MYO1B: variants seen among roughly 807,000 people sequenced by gnomAD.
MYO1B encodes unconventional myosin-Ib.
A neutral mutation model predicts 159.7 loss-of-function variants in MYO1B; 72 were observed. The observed-to-expected ratio is 0.45, with a 90% CI of 0.37 to 0.55. The LOEUF (loss-of-function observed/expected upper bound fraction) is 0.55. MYO1B is among the 20% of genes least tolerant of loss of function. The pLI is 0.00. For missense variants in MYO1B, 1,062 were observed against 1,364.8 expected (o/e 0.78, Z 3.50); for synonymous variants, 468 against 473.8 (o/e 0.99, Z 0.16).
At chr2:191,254,324 T>C (rs1383441233) in intron 1 of MYO1B, among the ~76,000 whole-genome samples, 2 of 152,132 alleles carry the variant, frequency 1.3e-5, no homozygotes, top group Non-Finnish European at 2.9e-5. Flanking sequence ...GCAATTCTCC[T>C]GCCTCAGCCT....
chr2:191,273,156 T>C (rs1687556825), intron 1 of MYO1B, among the ~76,000 whole-genome samples: 1 of 152,186 alleles, frequency 6.6e-6, no homozygotes, highest in African/African-American at 2.4e-5. Flanking sequence ...TCTCACTCTG[T>C]TGCCCAAGCT....
intron 18 of MYO1B, among the ~76,000 whole-genome samples, chr2:191,391,855 G>A (rs1451434322): frequency 6.6e-6 from 1 of 152,170 alleles, no homozygotes; most frequent in African/African-American, 2.4e-5. Context: ...CTCTACTAAT[G>A]AAATCAAGAA....
Position 191,329,989 on chromosome 2 carries a change from A to G in MYO1B, c.306A>G (p.Gln102=), listed in dbSNP as rs558741699. The change falls in exon 4 of 31, where the codon CAA becomes CAG. Residue 102 remains glutamine, a synonymous_variant. Coordinates refer to ENST00000392318, the MANE Select transcript of MYO1B (RefSeq NM_001130158.3). ...CCCTACGAGATCAAGATAAGGACCA[A>G]TGTATTCTCATTACTGGGGAAAGTG... ...YRSLRDQDKD[Q]CILITGESGA... is the part of the protein sequence containing the mutation. 34 of 1,612,780 alleles carry G rather than the reference A, an allele frequency of 2.1e-5. No individual in the cohort carries two copies. The highest frequency in any genetic ancestry group is 1.1e-4 in the South Asian group (10 of 90,984).
At chr2:191,264,799 T>A (rs114898755) in intron 1 of MYO1B, among the ~76,000 whole-genome samples, 2 of 151,624 alleles carry the variant, frequency 1.3e-5, no homozygotes, top group Non-Finnish European at 2.9e-5. Flanking sequence ...CTAGGATGCA[T>A]GCTCATCCCA....
intron 3 of MYO1B, among the ~76,000 whole-genome samples, chr2:191,328,201 T>C (rs1429563242): frequency 6.6e-6 from 1 of 152,246 alleles, no homozygotes; most frequent in Non-Finnish European, 1.5e-5. Context: ...TAGGACACTT[T>C]ACTGGGCTCC....
intron 1 of MYO1B, among the ~76,000 whole-genome samples, chr2:191,275,533 T>C (rs1022728954): frequency 6.6e-6 from 1 of 152,208 alleles, no homozygotes; most frequent in South Asian, 2.1e-4. Context: ...CTACAAGACC[T>C]ACTGGATGTT....
At chr2:191,322,657 C>A (rs1437852575) in intron 3 of MYO1B, among the ~76,000 whole-genome samples, 1 of 152,078 alleles carries the variant, frequency 6.6e-6, no homozygotes, top group African/African-American at 2.4e-5. Context: ...AAGAAAACTA[C>A]CCCTTGTGTT....
At chr2:191,420,136 A>C (rs890427688) in intron 30 of MYO1B, among the ~76,000 whole-genome samples, 7 of 152,282 alleles carry the variant, frequency 4.6e-5, no homozygotes, top group African/African-American at 1.7e-4. Context: ...CGGGAAGGTC[A>C]AGGCTGCCCT....
chr2:191,286,979 C>T (rs1688411423), intron 2 of MYO1B, among the ~76,000 whole-genome samples: 1 of 152,044 alleles, frequency 6.6e-6, no homozygotes, highest in Non-Finnish European at 1.5e-5. Context: ...GTTTTTAAGA[C>T]GCTGGTGTGG....
chr2:191,337,034 A>C (rs1424107032), intron 4 of MYO1B, among the ~76,000 whole-genome samples: 1 of 152,202 alleles, frequency 6.6e-6, no homozygotes, highest in African/African-American at 2.4e-5. Context: ...GGATAAATTT[A>C]TTAGAAGCTC....
At chr2:191,326,818 G>GCA (rs1219074951) in intron 3 of MYO1B, among the ~76,000 whole-genome samples, 6 of 150,168 alleles carry the variant, frequency 4.0e-5, no homozygotes, top group Admixed American at 2.0e-4. Flanking sequence ...GTGTGTGTGC[G>GCA]CGCGCCATAT....
intron 18 of MYO1B, 75 bp from the exon 19 acceptor site, chr2:191,392,033 A>C: frequency 9.5e-7 from 1 of 1,047,560 alleles, no homozygotes. Context: ...ACCACTGAGA[A>C]CCTGATACCA....
intron 11 of MYO1B, among the ~76,000 whole-genome samples, chr2:191,367,114 G>T (rs1263941676): frequency 6.6e-6 from 1 of 152,022 alleles, no homozygotes; most frequent in Non-Finnish European, 1.5e-5. Flanking sequence ...TTCATAGTGT[G>T]CTTTGAAACT....
In MYO1B at chr2:191,424,287, G is replaced by A. The variant is rs916144145; in HGVS notation, c.*327G>A. On this transcript the variant is annotated 3_prime_UTR_variant, in exon 31 of 31. Transcript: ENST00000392318. ...ATTAATTAATATAAGCATAGGAAAT[G>A]GTCTTAAAAGATACTGCATTCATTC... 3.0e-5 allele frequency: 7 copies of A among 232,008 alleles called. No individual in the cohort carries two copies. Among genetic ancestry groups the A allele is most frequent in the Non-Finnish European group, 5.0e-5 (6 of 119,442 alleles). The allele number at this position is 232,008 out of a possible 1,614,324, so 14.4% of individuals were successfully genotyped here.
At chr2:191,367,440 A>G (rs1400721358) in intron 11 of MYO1B, among the ~76,000 whole-genome samples, 1 of 152,202 alleles carries the variant, frequency 6.6e-6, no homozygotes, top group African/African-American at 2.4e-5. Context: ...TAACCCCAAT[A>G]GAGAGAGCCA....
At chr2:191,310,958 G>A (rs1689966648) in intron 3 of MYO1B, among the ~76,000 whole-genome samples, 1 of 152,170 alleles carries the variant, frequency 6.6e-6, no homozygotes, top group South Asian at 2.1e-4. Flanking sequence ...AGAATTTCTA[G>A]TTGCTATTGG....
intron 21 of MYO1B, among the ~76,000 whole-genome samples, chr2:191,398,567 A>C (rs1368846444): frequency 1.3e-5 from 2 of 150,676 alleles, no homozygotes; most frequent in Admixed American, 6.6e-5. Context: ...GGCCGGGCAG[A>C]GACGCTCCTC....
At chr2:191,383,770 C>T (rs1298829528) in intron 15 of MYO1B, among the ~76,000 whole-genome samples, 2 of 151,920 alleles carry the variant, frequency 1.3e-5, no homozygotes, top group East Asian at 3.9e-4. Flanking sequence ...TTCCATGACT[C>T]CTGGGCATGT....
chr2:191,382,012 G>A (rs1695067551), intron 14 of MYO1B, among the ~76,000 whole-genome samples: 1 of 152,132 alleles, frequency 6.6e-6, no homozygotes, highest in Non-Finnish European at 1.5e-5. Flanking sequence ...TATATTAAGT[G>A]CTATGTATAG....
Sources: gnomAD v4.1 joint callset for allele counts (sites outside exome capture counted in the v4.1 genomes callset) on GRCh38, gnomAD v4.1.1 for gene constraint, MANE v1.5 for transcripts, NCBI Gene and HGNC (gene_info 2026-07-23, HGNC 2026-07-21) for gene names.